The following PCDHA9 variants were observed in gnomAD, a reference collection of about 807,000 sequenced individuals.
PCDHA9 encodes the protein protocadherin alpha-9.
PCDHA9 carries 62 observed loss-of-function variants against 62.0 expected under a neutral mutation model. The ratio of observed to expected loss-of-function variants is 1.00; its 90% CI spans 0.81 to 1.23. The LOEUF (loss-of-function observed/expected upper bound fraction) is 1.23, where lower values mean the gene tolerates loss of function less well. PCDHA9 is among the 50% of genes most tolerant of loss of function. The pLI, the probability that PCDHA9 is intolerant of heterozygous loss-of-function variation, is 0.00. For missense variants in PCDHA9, 1,205 were observed against 1,249.8 expected, an observed-to-expected ratio of 0.96 and a Z score of 0.54; for synonymous variants, 557 against 567.6, an observed-to-expected ratio of 0.98 and a Z score of 0.27.
At chr5:140,893,888 G>A (rs1182777052) in intron 1 of PCDHA9, among the ~76,000 whole-genome samples, 1 of 152,128 alleles carries the variant, frequency 6.6e-6, no homozygotes, top group Non-Finnish European at 1.5e-5. Context: ...TGGCCAGAAA[G>A]TTACTTTACC....
Position 140,856,641 on chromosome 5 carries a change from T to G in PCDHA9, c.2394+5752T>G, listed in dbSNP as rs1554148950. On this transcript the variant is annotated intron_variant, in intron 1 of 3. Coordinates refer to ENST00000532602, the MANE Select transcript of PCDHA9 (RefSeq NM_031857.2). ...TTCCCAGTGCTTGTTCTGCGGAAGC[T>G]GCTGGATCGTGAAGAAAATCCTCAG... 4.4e-6 allele frequency: 7 copies of G among 1,598,334 alleles called. 1 individual carries two copies. The highest frequency in any genetic ancestry group is 5.1e-6 in the Non-Finnish European group (6 of 1,167,764).
intron 3 of PCDHA9, among the ~76,000 whole-genome samples, chr5:140,984,079 G>A (rs1554245959): frequency 2.0e-5 from 3 of 152,244 alleles, no homozygotes; most frequent in Admixed American, 2.0e-4. Context: ...CAACGATGGA[G>A]TGAAGAAATG....
Position 140,893,829 on chromosome 5 carries a change from A to G in PCDHA9, c.2394+42940A>G, listed in dbSNP as rs528174798. On this transcript the variant is annotated intron_variant, in intron 1 of 3. Transcript: ENST00000532602. ...TTGAGTCTGGTACCGTAGACTACTC[A>G]GCCATCCTGATGCCCTACCTCTTGT... Among the ~76,000 whole-genome samples the G allele has an allele frequency of 2.0e-5, 3 of 152,296 alleles. No homozygotes were observed. The South Asian group carries it at 6.2e-4, about 32-fold the overall frequency.
intron 1 of PCDHA9, chr5:140,968,552 C>T (rs370640529): frequency 1.2e-6 from 2 of 1,614,184 alleles, no homozygotes; most frequent in Non-Finnish European, 1.7e-6. Flanking sequence ...GATGGTGCCT[C>T]GAACTGCCCC....
At chr5:140,978,301 C>T (rs1554239160) in intron 1 of PCDHA9, among the ~76,000 whole-genome samples, 1 of 152,168 alleles carries the variant, frequency 6.6e-6, no homozygotes, top group Admixed American at 6.5e-5. Flanking sequence ...GGAAAGCACT[C>T]AGGAAGGAGC....
At chr5:140,941,347 T>G (rs246069) in intron 1 of PCDHA9, among the ~76,000 whole-genome samples, 2 of 130,422 alleles carry the variant, frequency 1.5e-5, no homozygotes, top group African/African-American at 5.9e-5. Context: ...GATGGAGTCT[T>G]GCTCTGTTGC....
chr5:140,913,526 A>T (rs1171997127), intron 1 of PCDHA9, among the ~76,000 whole-genome samples: 1 of 151,968 alleles, frequency 6.6e-6, no homozygotes, highest in Non-Finnish European at 1.5e-5. Flanking sequence ...TTATCTTTTC[A>T]AAAGATTGAC....
intron 3 of PCDHA9, among the ~76,000 whole-genome samples, chr5:140,998,621 A>G (rs1167341355): frequency 5.3e-5 from 8 of 151,758 alleles, no homozygotes; most frequent in Admixed American, 3.9e-4. Context: ...CTGGAGTGCA[A>G]TGGCACAATC....
intron 1 of PCDHA9, chr5:140,871,342 T>C: frequency 6.2e-7 from 1 of 1,614,120 alleles, no homozygotes; most frequent in Non-Finnish European, 8.5e-7. Context: ...GGTGGGGAGC[T>C]GGTCATACTC....
chr5:140,856,258 C>G, intron 1 of PCDHA9: 1 of 1,598,068 alleles, frequency 6.3e-7, no homozygotes, highest in South Asian at 1.1e-5. Context: ...CCAAAAGACA[C>G]GGGGACCTTC....
chr5:140,967,687 C>T (rs1173018126), intron 1 of PCDHA9: 1 of 1,614,094 alleles, frequency 6.2e-7, no homozygotes, highest in Non-Finnish European at 8.5e-7. Context: ...AGAGGCAGCT[C>T]TTCAGCATAG....
chr5:140,883,433 T>G lies in PCDHA9; in HGVS notation c.2394+32544T>G, dbSNP rs201972709. 38 of 1,614,170 alleles carry G rather than the reference T, an allele frequency of 2.4e-5. No individual in the cohort carries two copies. In the East Asian group the frequency reaches 7.8e-4, roughly 33 times the overall value. ...CTCAAATGGACAGGTCACCTGCACC[T>G]TGACGCCGCATGTCCCCTTCAAGCT... On this transcript the variant is annotated intron_variant, in intron 1 of 3. Transcript: ENST00000532602.
intron 1 of PCDHA9, chr5:140,928,603 C>A: frequency 1.2e-6 from 2 of 1,614,208 alleles, no homozygotes; most frequent in South Asian, 2.2e-5. Flanking sequence ...GGAAATTGTG[C>A]CCCGCTCTGC....
At chr5:140,927,612 C>T (rs781873236) in intron 1 of PCDHA9, 12 of 1,614,172 alleles carry the variant, frequency 7.4e-6, no homozygotes, top group Non-Finnish European at 8.5e-6. Context: ...TATACCGCAC[C>T]AAGGTTCCAG....
chr5:140,897,949 G>A (rs2066421771), intron 1 of PCDHA9, among the ~76,000 whole-genome samples: 2 of 152,308 alleles, frequency 1.3e-5, no homozygotes, highest in African/African-American at 2.4e-5. Context: ...GTGATGATTA[G>A]CATTTTTTCA....
chr5:140,877,049 A>G (rs1554169270), intron 1 of PCDHA9: 4 of 1,612,684 alleles, frequency 2.5e-6, no homozygotes, highest in Middle Eastern at 3.9e-4. Context: ...CTAGACCACG[A>G]GGAGCTGGAG....
intron 1 of PCDHA9, among the ~76,000 whole-genome samples, chr5:140,886,264 A>G (rs1471846282): frequency 6.6e-6 from 1 of 151,982 alleles, no homozygotes; most frequent in Non-Finnish European, 1.5e-5. Context: ...CTATTTATAG[A>G]TAAAATTTTT....
chr5:140,954,570 T>G (rs2095058412), intron 1 of PCDHA9, among the ~76,000 whole-genome samples: 1 of 152,252 alleles, frequency 6.6e-6, no homozygotes. Context: ...GACTGTCTTC[T>G]TTTCAGAAGT....
intron 1 of PCDHA9, chr5:140,882,249 T>C (rs1412428548): frequency 6.3e-7 from 1 of 1,595,264 alleles, no homozygotes; most frequent in Non-Finnish European, 8.5e-7. Flanking sequence ...CAGATAGCTC[T>C]GAGGTTTTTG....
Sources: gnomAD v4.1 joint callset for allele counts (sites outside exome capture counted in the v4.1 genomes callset) on GRCh38, gnomAD v4.1.1 for gene constraint, MANE v1.5 for transcripts, NCBI Gene and HGNC (gene_info 2026-07-23, HGNC 2026-07-21) for gene names.